The following KDM2A variants were observed in gnomAD, a reference collection of about 807,000 sequenced individuals.
KDM2A encodes lysine demethylase 2A.
KDM2A carries 3 observed loss-of-function variants against 137.3 expected under a neutral mutation model. The ratio of observed to expected loss-of-function variants is 0.02; its 90% CI spans 0.01 to 0.06. The LOEUF (loss-of-function observed/expected upper bound fraction) is 0.06. Ranked by LOEUF, KDM2A falls within the 10% of genes least tolerant of loss-of-function variation. KDM2A has a pLI of 1.00. For missense variants in KDM2A, 738 were observed against 1,510.6 expected (o/e 0.49, Z 8.48); for synonymous variants, 512 against 541.5 (o/e 0.95, Z 0.76).
intron 2 of KDM2A, among the ~76,000 whole-genome samples, chr11:67,173,635 C>T (rs546728743): frequency 6.6e-5 from 10 of 151,924 alleles, no homozygotes; most frequent in South Asian, 4.2e-4. Context: ...GTCATCTGCC[C>T]GCCCTGGCCT....
chr11:67,238,947 A>G (rs1382648188), intron 12 of KDM2A, among the ~76,000 whole-genome samples: 1 of 152,124 alleles, frequency 6.6e-6, no homozygotes, highest in Non-Finnish European at 1.5e-5. Flanking sequence ...TGTAGACTGA[A>G]AGGAGTGTGT....
intron 2 of KDM2A, among the ~76,000 whole-genome samples, chr11:67,123,155 T>C (rs1198725147): frequency 4.6e-5 from 7 of 151,758 alleles, no homozygotes; most frequent in Admixed American, 4.6e-4. Flanking sequence ...CTTTTTTTTT[T>C]CTTAGTGACG....
At chr11:67,190,271 G>A (rs1857319297) in intron 5 of KDM2A, among the ~76,000 whole-genome samples, 1 of 151,940 alleles carries the variant, frequency 6.6e-6, no homozygotes, top group Non-Finnish European at 1.5e-5. Context: ...TTAGCTGGAT[G>A]TGGTGGTACA....
intron 12 of KDM2A, among the ~76,000 whole-genome samples, chr11:67,233,011 T>G (rs1044275385): frequency 3.3e-5 from 5 of 152,046 alleles, no homozygotes; most frequent in Non-Finnish European, 7.4e-5. Flanking sequence ...CACCCAACCT[T>G]GAGCTATCTA....
chr11:67,147,359 G>A (rs1329293368), intron 2 of KDM2A, among the ~76,000 whole-genome samples: 2 of 151,880 alleles, frequency 1.3e-5, no homozygotes, highest in East Asian at 1.9e-4. Context: ...TGGCTAACAC[G>A]GTGAAACCCC....
intron 6 of KDM2A, 149 bp downstream of exon 6, chr11:67,207,837 C>A: frequency 5.7e-6 from 3 of 528,196 alleles, no homozygotes; most frequent in South Asian, 3.7e-5. Context: ...GCAGCCGGGG[C>A]AACATGGTGA....
At chr11:67,199,138 A>G (rs546676184) in intron 5 of KDM2A, among the ~76,000 whole-genome samples, 1 of 152,302 alleles carries the variant, frequency 6.6e-6, no homozygotes, top group South Asian at 2.1e-4. Context: ...AACTGTATCC[A>G]TATAGGAGAG....
intron 5 of KDM2A, among the ~76,000 whole-genome samples, chr11:67,200,217 G>GTT (rs71461637): frequency 6.8e-6 from 1 of 147,502 alleles, no homozygotes; most frequent in Admixed American, 6.8e-5. Context: ...TGTTTGTGTG[G>GTT]TTTTTTTTTT....
rs945321195 is a variant in KDM2A, at chr11:67,131,392, C to G, written c.42+10034C>G. On this transcript the variant is annotated intron_variant, in intron 2 of 20. Coordinates refer to ENST00000529006, the MANE Select transcript of KDM2A (RefSeq NM_012308.3). ...GCTGAGTACTTTCTCTCTTTTGAGG[C>G]TACTTTAGTGTTTTCTTTTCTTTTT... is the stretch of plus-strand genomic sequence containing the variant. Among the ~76,000 whole-genome samples, 4 of 150,794 alleles carry G rather than the reference C, an allele frequency of 2.7e-5. No homozygotes were observed. In the East Asian group the frequency reaches 7.8e-4, roughly 29 times the overall value.
intron 2 of KDM2A, among the ~76,000 whole-genome samples, chr11:67,164,907 A>G (rs1442065418): frequency 1.3e-5 from 2 of 151,790 alleles, no homozygotes; most frequent in Non-Finnish European, 2.9e-5. Context: ...CTGCTATTGT[A>G]CTTTTTAATG....
intron 11 of KDM2A, among the ~76,000 whole-genome samples, chr11:67,228,716 G>A (rs944212237): frequency 1.3e-5 from 2 of 150,084 alleles, no homozygotes; most frequent in African/African-American, 4.9e-5. Flanking sequence ...AAGAAAGAAC[G>A]ATGATCAGTT....
In KDM2A at chr11:67,169,565, G is replaced by A. The variant is rs1856829765; in HGVS notation, c.43-10514G>A. The stretch of plus-strand genomic sequence containing the variant: ...TGGCTAATTGTTTTTTGGTAGAGAA[G>A]GGTTTTCACCATGTTGGCCAGGCTG... On this transcript the variant is annotated intron_variant, in intron 2 of 20. Coordinates refer to ENST00000529006, the MANE Select transcript of KDM2A (RefSeq NM_012308.3). Among the ~76,000 whole-genome samples, 6 of 150,088 alleles carry A rather than the reference G, an allele frequency of 4.0e-5. No individual in the cohort carries two copies. In the South Asian group the frequency reaches 1.3e-3, roughly 32 times the overall value.
intron 2 of KDM2A, among the ~76,000 whole-genome samples, chr11:67,122,167 A>G (rs1470838638): frequency 6.6e-6 from 1 of 152,212 alleles, no homozygotes; most frequent in Non-Finnish European, 1.5e-5. Context: ...TGTATGTAGT[A>G]TGTGAAATTT....
chr11:67,201,376 C>T (rs1857619165), intron 5 of KDM2A, among the ~76,000 whole-genome samples: 1 of 151,958 alleles, frequency 6.6e-6, no homozygotes, highest in South Asian at 2.1e-4. Context: ...CATAGTGGCT[C>T]ATGTCTGTAA....
chr11:67,207,444 ATATTCT>A (rs1857837811), intron 5 of KDM2A, 60 bp from the exon 6 acceptor site: 3 of 1,252,616 alleles, frequency 2.4e-6, no homozygotes, highest in Non-Finnish European at 3.2e-6. Context: ...TTTTTAAAAA[ATATTCT>A]TACTATATTT....
chr11:67,239,228 G>A (rs1408414735), intron 12 of KDM2A, among the ~76,000 whole-genome samples: 1 of 152,182 alleles, frequency 6.6e-6, no homozygotes, highest in Non-Finnish European at 1.5e-5. Context: ...GAGAATGTGT[G>A]TTCCCTGGCT....
intron 2 of KDM2A, among the ~76,000 whole-genome samples, chr11:67,122,069 C>T (rs975462798): frequency 2.6e-5 from 4 of 152,060 alleles, no homozygotes; most frequent in African/African-American, 9.7e-5. Flanking sequence ...TTTTTCTTAG[C>T]CAAAGAGAGC....
chr11:67,168,642 C>CGG (rs1856807019), intron 2 of KDM2A, among the ~76,000 whole-genome samples: 1 of 144,004 alleles, frequency 6.9e-6, no homozygotes, highest in African/African-American at 2.7e-5. Flanking sequence ...CACACACACA[C>CGG]ACACACACAC....
chr11:67,214,244 AC>A (rs1266297140), intron 6 of KDM2A, among the ~76,000 whole-genome samples: 2 of 102,826 alleles, frequency 1.9e-5, no homozygotes, highest in African/African-American at 7.7e-5. Flanking sequence ...TTGCTCTGTT[AC>A]CCAGGCTGGA....
Sources: allele counts gnomAD v4.1 joint callset (sites outside exome capture counted in the v4.1 genomes callset), GRCh38; gene constraint gnomAD v4.1.1; transcripts MANE v1.5; gene names NCBI Gene and HGNC (gene_info 2026-07-23, HGNC 2026-07-21).